Variants in ACAP2 observed in about 807,000 individuals in gnomAD.
The protein encoded by ACAP2 is ArfGAP with coiled-coil, ankyrin repeat and PH domains 2.
ACAP2 carries 39 observed loss-of-function variants against 115.8 expected under a neutral mutation model. The observed-to-expected ratio is 0.34, with a 90% CI of 0.26 to 0.44. ACAP2 has a LOEUF of 0.44. Among genes scored for constraint, ACAP2 ranks in the 20% least tolerant of loss-of-function variants. The pLI, the probability that ACAP2 is intolerant of heterozygous loss-of-function variation, is 1.00. For missense variants in ACAP2, 662 were observed against 927.6 expected (o/e 0.71, Z 3.72); for synonymous variants, 289 against 315.8 (o/e 0.92, Z 0.90).
intron 4 of ACAP2, among the ~76,000 whole-genome samples, chr3:195,355,494 T>C (rs778208356): frequency 5.9e-5 from 9 of 152,218 alleles, no homozygotes; most frequent in Non-Finnish European, 1.2e-4. Context: ...GGTTCACTTA[T>C]ATTTCTGGAA....
intron 1 of ACAP2, 83 bp from the exon 2 acceptor site, chr3:195,392,230 A>T: frequency 9.3e-7 from 1 of 1,073,538 alleles, no homozygotes; most frequent in South Asian, 1.4e-5. Context: ...AAATGAAAAG[A>T]TAGATATGAA....
intron 4 of ACAP2, among the ~76,000 whole-genome samples, chr3:195,369,023 G>A (rs1461532151): frequency 6.6e-6 from 1 of 151,804 alleles, no homozygotes; most frequent in Non-Finnish European, 1.5e-5. Context: ...GGCGGAGGTT[G>A]CAGTGAGCTG....
At chr3:195,368,769 C>T (rs1372118718) in intron 4 of ACAP2, among the ~76,000 whole-genome samples, 1 of 152,016 alleles carries the variant, frequency 6.6e-6, no homozygotes, top group East Asian at 1.9e-4. Context: ...ATAGTAACTC[C>T]TAACCATAAA....
chr3:195,350,235 A>G (rs984793460), intron 4 of ACAP2, among the ~76,000 whole-genome samples: 17 of 152,228 alleles, frequency 1.1e-4, no homozygotes, highest in African/African-American at 4.1e-4. Context: ...TAAAAGTTAT[A>G]TGAAAACATA....
chr3:195,365,841 AT>A (rs59855378), intron 4 of ACAP2, among the ~76,000 whole-genome samples: 4,172 of 138,122 alleles, frequency 0.03, 120 homozygotes, highest in African/African-American at 0.085. Context: ...GCCTATAGTA[AT>A]TTTTTTTTTT....
intron 4 of ACAP2, among the ~76,000 whole-genome samples, chr3:195,369,193 T>C (rs1223208375): frequency 6.6e-6 from 1 of 152,240 alleles, no homozygotes; most frequent in Non-Finnish European, 1.5e-5. Context: ...TTTTTAAATC[T>C]GATTTTCTGA....
At chr3:195,325,160 T>C (rs1285787217) in intron 9 of ACAP2, among the ~76,000 whole-genome samples, 3 of 152,186 alleles carry the variant, frequency 2.0e-5, no homozygotes, top group African/African-American at 7.2e-5. Context: ...TAGTGCTATC[T>C]GCTAAGATAG....
intron 7 of ACAP2, 113 bp from the exon 8 acceptor site, chr3:195,333,236 T>G: frequency 8.5e-6 from 4 of 468,310 alleles, no homozygotes; most frequent in Non-Finnish European, 1.3e-5. Context: ...CTGTTTGCTC[T>G]GTCGCCCAGA....
chr3:195,291,855 T>A (rs778442214), intron 19 of ACAP2, 40 bp from the exon 20 acceptor site: 1 of 1,526,516 alleles, frequency 6.6e-7, no homozygotes, highest in East Asian at 2.3e-5. Flanking sequence ...CAAAAGCAAA[T>A]AACAAGAAAC....
intron 4 of ACAP2, among the ~76,000 whole-genome samples, chr3:195,365,219 C>T (rs894356684): frequency 6.6e-6 from 1 of 152,166 alleles, no homozygotes; most frequent in African/African-American, 2.4e-5. Context: ...GCTAGCACAA[C>T]AAGGTGACTA....
rs112081040 is a variant in ACAP2 at position 195,430,894 on chromosome 3, T to C, written c.53+11901A>G. The stretch of plus-strand genomic sequence containing the variant: ...CAAACCTTTTTCAGTAACAGCTATA[T>C]TGAAATATAATTCACAACATAAATT... On this transcript the variant is annotated intron_variant, in intron 1 of 22. Transcript: ENST00000326793. Among the ~76,000 whole-genome samples the C allele has an allele frequency of 2.2e-4, 33 of 152,350 alleles. 1 individual carries two copies. Among genetic ancestry groups the C allele is most frequent in the African/African-American group, 7.9e-4 (33 of 41,580 alleles).
intron 4 of ACAP2, among the ~76,000 whole-genome samples, chr3:195,367,620 A>C: frequency 6.6e-6 from 1 of 152,126 alleles, no homozygotes; most frequent in East Asian, 1.9e-4. Context: ...TCTTGCTTTG[A>C]TCAAAAGAAT....
chr3:195,283,868 A>C (rs1355608765), intron 22 of ACAP2, among the ~76,000 whole-genome samples: 1 of 152,176 alleles, frequency 6.6e-6, no homozygotes, highest in Admixed American at 6.5e-5. Flanking sequence ...ATGGTAAGAG[A>C]GCTTGTTTTA....
At chr3:195,340,307 T>C (rs1287625527) in intron 6 of ACAP2, among the ~76,000 whole-genome samples, 2 of 151,188 alleles carry the variant, frequency 1.3e-5, no homozygotes, top group African/African-American at 4.9e-5. Flanking sequence ...AGTAAAAAAG[T>C]GACACCATTC....
intron 1 of ACAP2, among the ~76,000 whole-genome samples, chr3:195,415,179 T>C (rs569922275): frequency 6.6e-6 from 1 of 152,230 alleles, no homozygotes; most frequent in East Asian, 1.9e-4. Flanking sequence ...TGGTACAGGA[T>C]GTTGATAGTG....
chr3:195,321,825 C>G (rs1380005506), intron 9 of ACAP2, among the ~76,000 whole-genome samples: 1 of 152,016 alleles, frequency 6.6e-6, no homozygotes, highest in Non-Finnish European at 1.5e-5. Context: ...GTTAGCCAGG[C>G]TGGTCTCAAA....
chr3:195,424,295 T>A (rs1373650688), intron 1 of ACAP2, among the ~76,000 whole-genome samples: 7,144 of 63,096 alleles, frequency 0.11, 170 homozygotes, highest in Admixed American at 0.17. Context: ...TTTTTTTTTT[T>A]TTTTTTTTTT....
At chr3:195,305,823 A>T (rs1469188282) in intron 13 of ACAP2, among the ~76,000 whole-genome samples, 1 of 151,732 alleles carries the variant, frequency 6.6e-6, no homozygotes, top group Non-Finnish European at 1.5e-5. Context: ...GTCCCCCCAT[A>T]ATCCCATGCC....
chr3:195,411,395 G>C (rs918749601), intron 1 of ACAP2, among the ~76,000 whole-genome samples: 4 of 152,154 alleles, frequency 2.6e-5, no homozygotes, highest in Admixed American at 2.6e-4. Context: ...TCCACCAACA[G>C]AAAAATGGAT....
Sources: gnomAD v4.1 joint callset for allele counts (sites outside exome capture counted in the v4.1 genomes callset) on GRCh38, gnomAD v4.1.1 for gene constraint, MANE v1.5 for transcripts, NCBI Gene and HGNC (gene_info 2026-07-23, HGNC 2026-07-21) for gene names.